Variants in BMERB1 observed in about 807,000 individuals in gnomAD.
BMERB1 encodes bMERB domain-containing protein 1.
BMERB1 carries 12 observed loss-of-function variants against 23.6 expected under a neutral mutation model. The observed-to-expected ratio is 0.51, with a 90% confidence interval of 0.33 to 0.82. BMERB1 has a LOEUF of 0.82. Ranked by LOEUF, BMERB1 falls within the 40% of genes least tolerant of loss-of-function variation. The pLI is 0.03. For missense variants in BMERB1, 247 were observed against 255.4 expected, an observed-to-expected ratio of 0.97 and a Z score of 0.22; for synonymous variants, 122 against 96.6, an observed-to-expected ratio of 1.26 and a Z score of -1.54.
intron 2 of BMERB1, among the ~76,000 whole-genome samples, chr16:15,557,725 C>T (rs927782128): frequency 2.6e-5 from 4 of 152,136 alleles, no homozygotes; most frequent in East Asian, 1.9e-4. Context: ...GTCAGTTGTT[C>T]ACACTACTTA....
intron 3 of BMERB1, chr16:15,577,323 A>T (rs1429311311): frequency 6.6e-6 from 1 of 152,202 alleles, no homozygotes; most frequent in Non-Finnish European, 1.5e-5. Context: ...CTTTTCATTA[A>T]AAGGAAAACC....
intron 1 of BMERB1, among the ~76,000 whole-genome samples, chr16:15,453,659 G>A (rs2051061034): frequency 6.6e-6 from 1 of 152,020 alleles, no homozygotes; most frequent in Admixed American, 6.6e-5. Flanking sequence ...ATCACTTGAG[G>A]TCAGGAGTTC....
At chr16:15,435,713 T>G (rs1177676576) in intron 1 of BMERB1, among the ~76,000 whole-genome samples, 1 of 152,230 alleles carries the variant, frequency 6.6e-6, no homozygotes, top group Non-Finnish European at 1.5e-5. Context: ...GGCTAAAGTA[T>G]TGTGAATGTG....
chr16:15,443,779 TGTG>T (rs1327062853), intron 1 of BMERB1, among the ~76,000 whole-genome samples: 3 of 151,860 alleles, frequency 2.0e-5, no homozygotes, highest in East Asian at 1.9e-4. Context: ...ATTAGCCAGA[TGTG>T]GTGGTGCACA....
chr16:15,474,934 C>G (rs545075348), intron 1 of BMERB1, among the ~76,000 whole-genome samples: 1 of 151,870 alleles, frequency 6.6e-6, no homozygotes, highest in East Asian at 1.9e-4. Flanking sequence ...GTGATCTACC[C>G]GCTTGGCCTC....
intron 1 of BMERB1, among the ~76,000 whole-genome samples, chr16:15,478,076 T>TTGTG (rs1376462521): frequency 6.6e-6 from 1 of 152,056 alleles, no homozygotes; most frequent in Admixed American, 6.6e-5. Context: ...CCTCTAAGGT[T>TTGTG]TGTGTGTGTG....
chr16:15,476,399 G>T (rs1476709047), intron 1 of BMERB1, among the ~76,000 whole-genome samples: 1 of 152,114 alleles, frequency 6.6e-6, no homozygotes, highest in Admixed American at 6.6e-5. Context: ...CTTACCTCAG[G>T]CAATTCACCC....
chr16:15,576,791 G>A (rs1294203812), intron 3 of BMERB1, among the ~76,000 whole-genome samples: 2 of 151,884 alleles, frequency 1.3e-5, no homozygotes, highest in Non-Finnish European at 2.9e-5. Context: ...CCCAAGGTTC[G>A]TTGTCTCTCT....
chr16:15,450,763 G>A (rs987724309), intron 1 of BMERB1, among the ~76,000 whole-genome samples: 2 of 152,058 alleles, frequency 1.3e-5, no homozygotes, highest in Admixed American at 6.6e-5. Flanking sequence ...GACCCACCAC[G>A]CCCGGCCATA....
intron 2 of BMERB1, among the ~76,000 whole-genome samples, chr16:15,532,823 G>T (rs1037091216): frequency 6.6e-6 from 1 of 152,134 alleles, no homozygotes; most frequent in Non-Finnish European, 1.5e-5. Context: ...GGGATTACAG[G>T]CGTGAGCCAC....
chr16:15,525,963 G>A (rs1395349766), intron 2 of BMERB1, among the ~76,000 whole-genome samples: 1 of 151,982 alleles, frequency 6.6e-6, no homozygotes, highest in African/African-American at 2.4e-5. Flanking sequence ...ATTATAACCT[G>A]CAGTTTTGCT....
chr16:15,445,160 T>G (rs920396546), intron 1 of BMERB1, among the ~76,000 whole-genome samples: 8 of 152,204 alleles, frequency 5.3e-5, no homozygotes, highest in Non-Finnish European at 8.8e-5. Context: ...CCCGAAGTGC[T>G]GAGATTATAG....
intron 1 of BMERB1, among the ~76,000 whole-genome samples, chr16:15,512,086 T>C (rs961820964): frequency 6.0e-5 from 9 of 150,492 alleles, no homozygotes; most frequent in African/African-American, 2.2e-4. Flanking sequence ...CATTTCAATG[T>C]GAGAATCAAC....
chr16:15,574,843 C>T (rs756032067), intron 3 of BMERB1, among the ~76,000 whole-genome samples: 38 of 152,120 alleles, frequency 2.5e-4, no homozygotes, highest in African/African-American at 7.0e-4. Context: ...CCTGGGAGGC[C>T]GAAGTGGGCA....
chr16:15,529,625 G>C (rs1217537444), intron 2 of BMERB1, among the ~76,000 whole-genome samples: 2 of 152,086 alleles, frequency 1.3e-5, no homozygotes, highest in Admixed American at 1.3e-4. Context: ...AAATGTTGAC[G>C]GTACCCAGCA....
intron 1 of BMERB1, among the ~76,000 whole-genome samples, chr16:15,459,065 G>T (rs2051113523): frequency 6.6e-6 from 1 of 151,372 alleles, no homozygotes; most frequent in South Asian, 2.1e-4. Context: ...CCAAGATCGC[G>T]CCACTGCACT....
At chr16:15,552,165 C>T (rs892120880) in intron 2 of BMERB1, among the ~76,000 whole-genome samples, 7 of 151,990 alleles carry the variant, frequency 4.6e-5, no homozygotes, top group African/African-American at 1.2e-4. Context: ...AACAAGTGGA[C>T]GCGGTGGCTC....
intron 2 of BMERB1, among the ~76,000 whole-genome samples, chr16:15,516,119 T>C (rs2051749375): frequency 1.3e-5 from 2 of 152,212 alleles, no homozygotes; most frequent in South Asian, 4.1e-4. Context: ...AGAGAGGCAC[T>C]GTCTCTAAAA....
intron 1 of BMERB1, among the ~76,000 whole-genome samples, chr16:15,474,905 C>T (rs577926009): frequency 6.6e-6 from 1 of 151,948 alleles, no homozygotes; most frequent in South Asian, 2.1e-4. Flanking sequence ...CCAGGCTGGT[C>T]TTGAACTCCT....
Sources: gnomAD v4.1 joint callset for allele counts (sites outside exome capture counted in the v4.1 genomes callset) on GRCh38, gnomAD v4.1.1 for gene constraint, MANE v1.5 for transcripts, NCBI Gene and HGNC (gene_info 2026-07-23, HGNC 2026-07-21) for gene names.